Variants in CPNE4 observed in about 807,000 individuals in gnomAD.
CPNE4 encodes the protein copine-4.
In CPNE4, 25 loss-of-function variants were observed where a neutral mutation model predicts 67.9. The observed-to-expected ratio is 0.37, with a 90% CI of 0.27 to 0.51. The LOEUF (loss-of-function observed/expected upper bound fraction) is 0.51. CPNE4 is among the 20% of genes least tolerant of loss of function. The probability of loss-of-function intolerance (pLI) is 0.93; values close to 1 mark genes in which losing one functional copy is unlikely to be tolerated. For synonymous variants in CPNE4, 242 were observed against 244.9 expected (o/e 0.99, Z 0.11); for missense variants, 464 against 690.8 (o/e 0.67, Z 3.68).
At chr3:131,605,275 A>C (rs1336476970) in intron 7 of CPNE4, among the ~76,000 whole-genome samples, 1 of 151,982 alleles carries the variant, frequency 6.6e-6, no homozygotes, top group Non-Finnish European at 1.5e-5. Context: ...TTATTTATTT[A>C]ATAATTTTAA....
At chr3:131,912,288 G>A (rs1430596244) in intron 1 of CPNE4, among the ~76,000 whole-genome samples, 1 of 152,142 alleles carries the variant, frequency 6.6e-6, no homozygotes, top group African/African-American at 2.4e-5. Context: ...TGAATGAGTT[G>A]CAAACAACAC....
chr3:131,923,998 C>T (rs2070820965), intron 1 of CPNE4, among the ~76,000 whole-genome samples: 2 of 152,110 alleles, frequency 1.3e-5, no homozygotes, highest in African/African-American at 4.8e-5. Context: ...TCTTACGTGG[C>T]CCAGCTTAAT....
chr3:131,997,382 G>A (rs909734323), intron 1 of CPNE4, among the ~76,000 whole-genome samples: 2 of 152,076 alleles, frequency 1.3e-5, no homozygotes, highest in Admixed American at 6.6e-5. Flanking sequence ...GCAACAAAAA[G>A]GGGACTCCTG....
chr3:131,592,115 A>G (rs1502670), intron 7 of CPNE4, among the ~76,000 whole-genome samples: 45,977 of 152,128 alleles, frequency 0.3, 10,992 homozygotes, highest in African/African-American at 0.67. Flanking sequence ...CCCAGTACAG[A>G]GTGGACTAAA....
chr3:132,014,881 A>G (rs116558840), intron 1 of CPNE4, among the ~76,000 whole-genome samples: 5,666 of 152,292 alleles, frequency 0.037, 136 homozygotes, highest in Middle Eastern at 0.061. Context: ...TTAACCAAGA[A>G]TATTTTAAAA....
chr3:132,026,824 TGCCTTATA>T (rs140195670), intron 1 of CPNE4, among the ~76,000 whole-genome samples: 1,888 of 152,274 alleles, frequency 0.012, 33 homozygotes, highest in African/African-American at 0.04. Flanking sequence ...GCCTCTCTTC[TGCCTTATA>T]GCCTTATATA....
At chr3:131,816,849 CCAAGG>C (rs1456453034) in intron 2 of CPNE4, among the ~76,000 whole-genome samples, 1 of 152,172 alleles carries the variant, frequency 6.6e-6, no homozygotes, top group African/African-American at 2.4e-5. Context: ...ACACCATGAC[CCAAGG>C]TCTATGATTA....
rs9833947 is a variant in CPNE4, at chr3:131,812,046, T to C, written c.181-88421A>G. ...GGGCTTGGAAATCAATAGTCCTCAC[T>C]AGAAATTTTAGTGTGCTGCCTGCCT... On this transcript the variant is annotated intron_variant, in intron 2 of 15. Coordinates refer to ENST00000429747, the MANE Select transcript of CPNE4 (RefSeq NM_130808.3). 2.7e-3 allele frequency among the ~76,000 whole-genome samples: 412 copies of C among 152,200 alleles called. 2 individuals carry two copies. Among genetic ancestry groups the C allele is most frequent in the Non-Finnish European group, 4.9e-3 (334 of 67,974 alleles).
At chr3:131,859,955 G>A (rs2086604969) in intron 2 of CPNE4, among the ~76,000 whole-genome samples, 1 of 152,076 alleles carries the variant, frequency 6.6e-6, no homozygotes, top group African/African-American at 2.4e-5. Flanking sequence ...AAATCCATCC[G>A]CAGAATGACT....
chr3:131,585,216 G>A (rs150126370), intron 8 of CPNE4, among the ~76,000 whole-genome samples: 1 of 152,168 alleles, frequency 6.6e-6, no homozygotes, highest in Admixed American at 6.6e-5. Context: ...ACAAATTGTA[G>A]TTGCATTTTA....
intron 2 of CPNE4, among the ~76,000 whole-genome samples, chr3:131,757,828 C>G (rs1415056615): frequency 1.3e-5 from 2 of 152,208 alleles, no homozygotes; most frequent in Non-Finnish European, 2.9e-5. Context: ...GTCCCAACCA[C>G]TCTAGCCATG....
intron 2 of CPNE4, among the ~76,000 whole-genome samples, chr3:131,824,176 A>C (rs2085066374): frequency 7.0e-6 from 1 of 142,986 alleles, no homozygotes; most frequent in African/African-American, 2.9e-5. Flanking sequence ...TTCTTTATAT[A>C]AATAAAGAAA....
chr3:132,015,710 T>G (rs994363214), intron 1 of CPNE4, among the ~76,000 whole-genome samples: 1 of 152,192 alleles, frequency 6.6e-6, no homozygotes, highest in Non-Finnish European at 1.5e-5. Context: ...CAACAACCTA[T>G]ATCTCCCAAG....
chr3:131,770,449 A>G (rs1465095858), intron 2 of CPNE4, among the ~76,000 whole-genome samples: 2 of 152,166 alleles, frequency 1.3e-5, no homozygotes, highest in East Asian at 3.9e-4. Context: ...GAACTTCATC[A>G]CTCCACAAAT....
intron 2 of CPNE4, among the ~76,000 whole-genome samples, chr3:131,866,816 C>A (rs183734003): frequency 6.6e-6 from 1 of 152,264 alleles, no homozygotes; most frequent in Admixed American, 6.5e-5. Flanking sequence ...GACTATTTCT[C>A]ACTTAGCACA....
intron 6 of CPNE4, among the ~76,000 whole-genome samples, chr3:131,670,541 C>T (rs1328709195): frequency 6.6e-6 from 1 of 152,178 alleles, no homozygotes; most frequent in Non-Finnish European, 1.5e-5. Context: ...CTGTGCCTAG[C>T]ATTGTACTGT....
At chr3:131,672,241 G>A (rs2080437799) in intron 6 of CPNE4, among the ~76,000 whole-genome samples, 1 of 152,096 alleles carries the variant, frequency 6.6e-6, no homozygotes, top group Non-Finnish European at 1.5e-5. Flanking sequence ...TGATAGACTT[G>A]TAGGTTGCTT....
intron 5 of CPNE4, 53 bp from the exon 6 acceptor site, chr3:131,686,011 C>A: frequency 3.1e-6 from 3 of 955,684 alleles, no homozygotes; most frequent in Non-Finnish European, 3.3e-6. Flanking sequence ...TTGATCTAGT[C>A]CTGATCAATC....
chr3:131,892,621 A>C (rs9876012), intron 2 of CPNE4, among the ~76,000 whole-genome samples: 97,956 of 151,666 alleles, frequency 0.65, 31,845 homozygotes, highest in Admixed American at 0.73. Flanking sequence ...AAAACAACAA[A>C]AGCTACATTT....
Sources: allele counts gnomAD v4.1 joint callset (sites outside exome capture counted in the v4.1 genomes callset), GRCh38; gene constraint gnomAD v4.1.1; transcripts MANE v1.5; gene names NCBI Gene and HGNC (gene_info 2026-07-23, HGNC 2026-07-21).